Variants in ALK observed in about 807,000 individuals in gnomAD.
The protein encoded by ALK is ALK receptor tyrosine kinase, also known as ALK tyrosine kinase receptor.
In ALK, 74 loss-of-function variants were observed where a neutral mutation model predicts 163.1. The observed-to-expected ratio is 0.45, with a 90% CI of 0.38 to 0.55. The LOEUF (loss-of-function observed/expected upper bound fraction) is 0.55, where lower values mean the gene tolerates loss of function less well. ALK is among the 20% of genes least tolerant of loss of function. The pLI is 0.00. For synonymous variants in ALK, 960 were observed against 843.2 expected (o/e 1.14, Z -2.40); for missense variants, 2,063 against 2,105.3 (o/e 0.98, Z 0.39).
At chr2:29,749,812 A>C (rs747148) in intron 1 of ALK, among the ~76,000 whole-genome samples, 9,644 of 152,266 alleles carry the variant, frequency 0.063, 808 homozygotes, top group African/African-American at 0.19. Context: ...GATCTTCCCC[A>C]AATTTATCAA....
rs114757182 is a variant in ALK, at chr2:29,864,972, G to A, written c.667+55021C>T. 8.4e-3 allele frequency among the ~76,000 whole-genome samples: 1,282 copies of A among 152,308 alleles called. 16 individuals are homozygous for A. Among genetic ancestry groups the A allele is most frequent in the African/African-American group, 0.029 (1,190 of 41,562 alleles). Reference sequence around the variant, plus strand: ...TCAAGCAGGGCTGATATCCATCAGAGGTGTCAGAGATGTCAGCCAAGACCT... The same window carrying A: ...TCAAGCAGGGCTGATATCCATCAGAAGTGTCAGAGATGTCAGCCAAGACCT... On this transcript the variant is annotated intron_variant, in intron 1 of 28. Transcript: ENST00000389048.
At chr2:29,502,429 T>C (rs182062376) in intron 4 of ALK, among the ~76,000 whole-genome samples, 1 of 152,322 alleles carries the variant, frequency 6.6e-6, no homozygotes, top group African/African-American at 2.4e-5. Context: ...TGAAGTTTCA[T>C]CCCCAGAGAG....
intron 1 of ALK, among the ~76,000 whole-genome samples, chr2:29,850,706 T>C (rs984964978): frequency 5.9e-5 from 9 of 152,200 alleles, no homozygotes; most frequent in African/African-American, 2.2e-4. Context: ...GGTTGTACCA[T>C]CTGGTCTCAG....
chr2:29,771,682 C>T (rs898734490), intron 1 of ALK, among the ~76,000 whole-genome samples: 1 of 152,064 alleles, frequency 6.6e-6, no homozygotes, highest in African/African-American at 2.4e-5. Context: ...CTACAGGCGC[C>T]TGCCACCATG....
chr2:29,516,633 C>G (rs975663088), intron 4 of ALK, among the ~76,000 whole-genome samples: 1 of 152,192 alleles, frequency 6.6e-6, no homozygotes, highest in African/African-American at 2.4e-5. Flanking sequence ...GCAGTGGTGT[C>G]TGTGGGATCA....
chr2:29,651,663 C>A (rs11884526), intron 3 of ALK, among the ~76,000 whole-genome samples: 13 of 152,238 alleles, frequency 8.5e-5, no homozygotes, highest in African/African-American at 2.6e-4. Context: ...GAGGCGTCAG[C>A]CACAGGGTAT....
intron 1 of ALK, chr2:29,890,796 T>G (rs1667123496): frequency 6.6e-6 from 1 of 152,168 alleles, no homozygotes; most frequent in Non-Finnish European, 1.5e-5. Flanking sequence ...CTCAATTCTG[T>G]GTTATTGGAG....
chr2:29,214,168 G>T (rs1669539260), intron 23 of ALK, 87 bp from the exon 24 acceptor site: 1 of 1,141,828 alleles, frequency 8.8e-7, no homozygotes, highest in Non-Finnish European at 1.3e-6. Context: ...GTGCTCACAA[G>T]GAGGCAGACC....
At chr2:29,452,829 A>T (rs1015873107) in intron 4 of ALK, among the ~76,000 whole-genome samples, 6 of 152,196 alleles carry the variant, frequency 3.9e-5, no homozygotes, top group Non-Finnish European at 8.8e-5. Context: ...TCTCCTCTCC[A>T]TAATGTAGAA....
Position 29,227,511 on chromosome 2 carries a change from G to T in ALK, c.2914+63C>A. The T allele has an allele frequency of 7.2e-7, 1 of 1,385,260 alleles. No homozygotes were observed. The highest frequency in any genetic ancestry group is 1.0e-6 in the Non-Finnish European group (1 of 971,150). 85.8% of individuals were successfully genotyped at this position (1,385,260 alleles called of 1,614,324 possible). A position where few individuals can be genotyped will look rare whatever the true frequency, so the allele number is the denominator to read the frequency against. ...CTGGATACAGGTCAGAGACTCTGAG[G>T]TTTTAGCTTGGTGGGAGGACTGACC... On this transcript the variant is annotated intron_variant, in intron 17 of 28. Coordinates refer to ENST00000389048, the MANE Select transcript of ALK (RefSeq NM_004304.5). This position sits in a 1 kb window ranked among gnomAD's most constrained non-coding sequence, Gnocchi z 4.4.
chr2:29,910,007 G>T (rs993305004), intron 1 of ALK, among the ~76,000 whole-genome samples: 2 of 148,730 alleles, frequency 1.3e-5, no homozygotes, highest in Admixed American at 6.7e-5. Context: ...CAACTGCAAG[G>T]TATGCAAAGA....
chr2:29,207,317 A>G, intron 25 of ALK, 45 bp from the exon 26 acceptor site: 5 of 1,427,266 alleles, frequency 3.5e-6, no homozygotes, highest in Non-Finnish European at 5.0e-6. Context: ...TGGAGATGGC[A>G]TTAAGCATCT....
chr2:29,352,811 A>C (rs1668153302), intron 5 of ALK, among the ~76,000 whole-genome samples: 1 of 152,234 alleles, frequency 6.6e-6, no homozygotes, highest in African/African-American at 2.4e-5. Context: ...TGGGAGTGAA[A>C]CTGCCTTTGC....
intron 1 of ALK, among the ~76,000 whole-genome samples, chr2:29,908,840 G>A (rs1667622747): frequency 6.6e-6 from 1 of 152,112 alleles, no homozygotes; most frequent in Admixed American, 6.5e-5. Flanking sequence ...GCCTTTTATT[G>A]GAGTTATTTA....
At chr2:29,763,066 G>A (rs529357528) in intron 1 of ALK, among the ~76,000 whole-genome samples, 3 of 138,384 alleles carry the variant, frequency 2.2e-5, no homozygotes, top group East Asian at 4.3e-4. Flanking sequence ...GAGCCTAGGC[G>A]ACAGAGTGAG....
intron 23 of ALK, among the ~76,000 whole-genome samples, chr2:29,215,645 C>T (rs1474343255): frequency 6.6e-6 from 1 of 152,216 alleles, no homozygotes; most frequent in Admixed American, 6.5e-5. Flanking sequence ...CATCCTCCCT[C>T]TTCCCTGGGA....
chr2:29,721,552 C>G (rs1573583097), intron 1 of ALK, among the ~76,000 whole-genome samples: 1 of 152,354 alleles, frequency 6.6e-6, no homozygotes, highest in South Asian at 2.1e-4. Flanking sequence ...CTTCCACATT[C>G]TCAGTGAATG....
At chr2:29,220,870 T>C (rs568089339) in intron 22 of ALK, 35 bp from the exon 23 acceptor site, 2 of 1,613,306 alleles carry the variant, frequency 1.2e-6, no homozygotes, top group African/African-American at 2.7e-5. Context: ...CAAAATTAAC[T>C]GAGCTGAGTC....
At chr2:29,504,236 C>G (rs1558354911) in intron 4 of ALK, among the ~76,000 whole-genome samples, 1 of 151,990 alleles carries the variant, frequency 6.6e-6, no homozygotes, top group African/African-American at 2.4e-5. Context: ...CCAGGAGAAA[C>G]AGATGGGCAG....
Sources: gnomAD v4.1 joint callset for allele counts (sites outside exome capture counted in the v4.1 genomes callset) on GRCh38, gnomAD v4.1.1 for gene constraint, Gnocchi (gnomAD v3.1) non-coding constraint, MANE v1.5 for transcripts, NCBI Gene and HGNC (gene_info 2026-07-23, HGNC 2026-07-21) for gene names.